Variants in ESR2 observed in about 807,000 individuals in gnomAD.
ESR2 encodes estrogen receptor 2, also known as estrogen receptor beta.
In ESR2, 36 loss-of-function variants were observed where a neutral mutation model predicts 49.6. That is an observed-to-expected ratio of 0.73 (90% CI 0.56 to 0.96). The LOEUF is 0.96. Among genes scored for constraint, ESR2 ranks in the 40% least tolerant of loss-of-function variants. The pLI, the probability that ESR2 is intolerant of heterozygous loss-of-function variation, is 0.00. For synonymous variants in ESR2, 320 were observed against 266.1 expected, an observed-to-expected ratio of 1.20 and a Z score of -1.97; for missense variants, 714 against 693.0, an observed-to-expected ratio of 1.03 and a Z score of -0.34.
chr14:64,241,682 T>C (rs2075731377), intron 7 of ESR2, among the ~76,000 whole-genome samples: 1 of 152,250 alleles, frequency 6.6e-6, no homozygotes, highest in African/African-American at 2.4e-5. Context: ...TTGATGCTAT[T>C]GTAAATGGTA....
chr14:64,233,206 C>G lies in ESR2; in HGVS notation c.1524G>C (p.Thr508=). The change falls in exon 9 of 9, where the codon ACG becomes ACC. Residue 508 remains threonine, a synonymous_variant. Coordinates refer to ENST00000341099, the MANE Select transcript of ESR2 (RefSeq NM_001437.3). ...HVLRGCKSSI[T]GSECSPAEDS... ...CCTCTGCCGGGCTGCACTCGGACCCCGTGATGGAGGACTTGCACCCGCGAA... is the reference window on the plus strand; with the variant it reads ...CCTCTGCCGGGCTGCACTCGGACCCGGTGATGGAGGACTTGCACCCGCGAA... 2 of 1,614,164 alleles carry G rather than the reference C, an allele frequency of 1.2e-6. No homozygotes were observed. Among genetic ancestry groups the G allele is most frequent in the South Asian group, 1.1e-5 (1 of 91,078 alleles).
At chr14:64,302,750 T>C (rs2140868930) in intron 1 of ESR2, among the ~76,000 whole-genome samples, 1 of 152,358 alleles carries the variant, frequency 6.6e-6, no homozygotes, top group Middle Eastern at 3.4e-3. Context: ...TTCAGCAGCA[T>C]GCAAGAGCCT....
At chr14:64,245,132 C>T (rs984359407) in intron 7 of ESR2, among the ~76,000 whole-genome samples, 1 of 152,166 alleles carries the variant, frequency 6.6e-6, no homozygotes, top group Non-Finnish European at 1.5e-5. Context: ...AAAAGACTCA[C>T]TTAACCTAGC....
At chr14:64,294,600 G>A (rs1211475586), upstream of ESR2, among the ~76,000 whole-genome samples, 1 of 152,184 alleles carries the variant, frequency 6.6e-6, no homozygotes, top group Non-Finnish European at 1.5e-5. Context: ...TAAGAGGTCT[G>A]GAGTAGGGCC....
rs1009972791 is a variant in ESR2, at chr14:64,235,295, A to C, written c.1226-145T>G. 6.3e-6 allele frequency: 5 copies of C among 792,340 alleles called. No individual in the cohort carries two copies. In the African/African-American group the frequency reaches 8.6e-5, roughly 14 times the overall value. 49.1% of individuals were successfully genotyped at this position (792,340 alleles called of 1,614,324 possible). On this transcript the variant is annotated intron_variant, in intron 7 of 8. Transcript: ENST00000341099. The stretch of plus-strand genomic sequence containing the variant: ...GGCAGGAGCTTATAAGCATGGTCTT[A>C]CCTCCCCCAGGGGATCTTCCCTGAG...
chr14:64,302,164 A>T (rs532188681), intron 1 of ESR2, among the ~76,000 whole-genome samples: 18 of 131,178 alleles, frequency 1.4e-4, no homozygotes, highest in Middle Eastern at 4.0e-3. Context: ...TTTTATTTTT[A>T]TTTATTTATT....
chr14:64,244,433 G>A (rs956219294), intron 7 of ESR2, among the ~76,000 whole-genome samples: 2 of 151,878 alleles, frequency 1.3e-5, no homozygotes, highest in African/African-American at 4.8e-5. Flanking sequence ...AGTGGACTAA[G>A]TAAGGAAGAT....
chr14:64,335,026 T>G (rs1209336162), intron 1 of ESR2, among the ~76,000 whole-genome samples: 6 of 152,176 alleles, frequency 3.9e-5, no homozygotes, highest in Admixed American at 2.6e-4. Context: ...TAAATAATGG[T>G]TTTTCCTAAA....
At chr14:64,306,771 A>G (rs952577508) in intron 1 of ESR2, among the ~76,000 whole-genome samples, 5 of 152,180 alleles carry the variant, frequency 3.3e-5, no homozygotes, top group African/African-American at 1.2e-4. Context: ...TTTTGGTATC[A>G]GGGTAATGCT....
At chr14:64,308,147 G>A (rs962942085) in intron 1 of ESR2, among the ~76,000 whole-genome samples, 13 of 151,854 alleles carry the variant, frequency 8.6e-5, no homozygotes, top group African/African-American at 2.7e-4. Context: ...CCTGAGGAGC[G>A]GAGACCACAA....
intron 1 of ESR2, among the ~76,000 whole-genome samples, chr14:64,288,901 G>A (rs565944015): frequency 3.3e-5 from 5 of 149,328 alleles, no homozygotes; most frequent in African/African-American, 9.9e-5. Context: ...CAGGAGAATC[G>A]CTTGAACCCA....
intron 7 of ESR2, among the ~76,000 whole-genome samples, chr14:64,241,810 A>G (rs1428303971): frequency 6.6e-6 from 1 of 152,186 alleles, no homozygotes; most frequent in Non-Finnish European, 1.5e-5. Context: ...TAGACTCCTT[A>G]GGACTTTCTA....
chr14:64,242,405 CA>C (rs34136916), intron 7 of ESR2, among the ~76,000 whole-genome samples: 83,060 of 125,988 alleles, frequency 0.66, 25,978 homozygotes, highest in African/African-American at 0.82. Flanking sequence ...GAGACTGTCT[CA>C]AAAAAAAAAA....
chr14:64,234,085 A>AT (rs2098729986), intron 8 of ESR2: 1 of 152,222 alleles, frequency 6.6e-6, no homozygotes, highest in Non-Finnish European at 1.5e-5. Flanking sequence ...ACAAATATTG[A>AT]TTTTGGGGTT....
At chr14:64,310,286 A>AAAAAAAAAAAAAAAAAAATAATAAT in intron 1 of ESR2, among the ~76,000 whole-genome samples, 1 of 142,462 alleles carries the variant, frequency 7.0e-6, no homozygotes, top group African/African-American at 2.6e-5. Flanking sequence ...TCGTCTCAAA[A>AAAAAAAAAAAAAAAAAAATAATAAT]AATAATAATA....
At chr14:64,238,430 A>G (rs1004306360) in intron 7 of ESR2, among the ~76,000 whole-genome samples, 8 of 152,186 alleles carry the variant, frequency 5.3e-5, no homozygotes, top group Admixed American at 2.0e-4. Flanking sequence ...CATTGATCAC[A>G]TAGAAAAGAA....
Position 64,229,260 on chromosome 14 carries a change from G to A in ESR2, c.*3877C>T, listed in dbSNP as rs1345190855. On this transcript the variant is annotated 3_prime_UTR_variant, in exon 9 of 9. Coordinates refer to ENST00000341099, the MANE Select transcript of ESR2 (RefSeq NM_001437.3). ...CCTAACTTCACCGCCCCTCCATTCT[G>A]CTGCGACTCAGCTCACAAAGCAGAT... Among the ~76,000 whole-genome samples the A allele has an allele frequency of 1.3e-5, 2 of 152,110 alleles. No individual in the cohort carries two copies. The highest frequency in any genetic ancestry group is 2.9e-5 in the Non-Finnish European group (2 of 68,020).
Position 64,228,773 on chromosome 14 carries a change from A to G in ESR2, c.*4364T>C, listed in dbSNP as rs750572261. Among the ~76,000 whole-genome samples, 2 of 152,076 alleles carry G rather than the reference A, an allele frequency of 1.3e-5. No individual in the cohort carries two copies. The highest frequency in any genetic ancestry group is 2.9e-5 in the Non-Finnish European group (2 of 68,004). On this transcript the variant is annotated 3_prime_UTR_variant, in exon 9 of 9. Transcript: ENST00000341099. ...TACCAGTGGCTGGCCCTACAAGTGAATAGGATCCTCGGAATTAAAAAACAA... is the reference window on the plus strand; with the variant it reads ...TACCAGTGGCTGGCCCTACAAGTGAGTAGGATCCTCGGAATTAAAAAACAA...
At chr14:64,303,374 A>G (rs559730321) in intron 1 of ESR2, 1 of 132,628 alleles carries the variant, frequency 7.5e-6, no homozygotes, top group African/African-American at 3.1e-5. Context: ...CAAATCAGCA[A>G]TCTAGGGCTT....
Sources: gnomAD v4.1 joint callset for allele counts (sites outside exome capture counted in the v4.1 genomes callset) on GRCh38, gnomAD v4.1.1 for gene constraint, MANE v1.5 for transcripts, NCBI Gene and HGNC (gene_info 2026-07-23, HGNC 2026-07-21) for gene names.